The following RBPJ variants were observed in gnomAD, a reference collection of about 807,000 sequenced individuals.
The protein encoded by RBPJ is recombining binding protein suppressor of hairless.
In RBPJ, 9 loss-of-function variants were observed where a neutral mutation model predicts 67.8. The observed-to-expected ratio is 0.13, with a 90% CI of 0.08 to 0.23. RBPJ has a LOEUF of 0.23. Ranked by LOEUF, RBPJ falls within the 10% of genes least tolerant of loss-of-function variation. RBPJ has a pLI of 1.00. For missense variants in RBPJ, 305 were observed against 595.6 expected (o/e 0.51, Z 5.08); for synonymous variants, 198 against 203.3 (o/e 0.97, Z 0.22).
chr4:26,255,133 G>T (rs142259646), intron 1 of RBPJ, among the ~76,000 whole-genome samples: 1 of 146,100 alleles, frequency 6.8e-6, no homozygotes, highest in African/African-American at 2.6e-5. Flanking sequence ...GGCCGGGCGT[G>T]GTGGCTCACG....
chr4:26,210,771 C>CTTTT (rs1718387461), intron 1 of RBPJ, among the ~76,000 whole-genome samples: 2 of 68,572 alleles, frequency 2.9e-5, no homozygotes, highest in African/African-American at 1.1e-4. Flanking sequence ...TTCTTTCTTT[C>CTTTT]TTTCTTTCTT....
At chr4:26,389,857 T>C (rs980681489) in intron 2 of RBPJ, among the ~76,000 whole-genome samples, 5 of 152,132 alleles carry the variant, frequency 3.3e-5, no homozygotes, top group Admixed American at 1.3e-4. Context: ...TGAATTCTAC[T>C]GTATATTTAA....
At chr4:26,262,539 A>G (rs1165505982) in intron 1 of RBPJ, among the ~76,000 whole-genome samples, 1 of 152,132 alleles carries the variant, frequency 6.6e-6, no homozygotes, top group African/African-American at 2.4e-5. Context: ...CACCCTGACT[A>G]CTACTCCCAC....
chr4:26,351,241 G>A (rs1726767710), intron 1 of RBPJ, among the ~76,000 whole-genome samples: 1 of 152,122 alleles, frequency 6.6e-6, no homozygotes, highest in Admixed American at 6.5e-5. Context: ...TCTGACACTT[G>A]AGGAACATAG....
chr4:26,332,221 T>TAA (rs562758027), intron 1 of RBPJ, among the ~76,000 whole-genome samples: 15 of 146,598 alleles, frequency 1.0e-4, no homozygotes, highest in African/African-American at 3.7e-4. Context: ...ATTGTAATGT[T>TAA]AAAAAAAAAA....
chr4:26,298,702 C>T (rs944749370), intron 1 of RBPJ, among the ~76,000 whole-genome samples: 1 of 152,166 alleles, frequency 6.6e-6, no homozygotes, highest in Non-Finnish European at 1.5e-5. Flanking sequence ...TGTTCTTTAG[C>T]ACATTAGTTT....
chr4:26,354,457 T>G (rs1419906266), intron 1 of RBPJ, among the ~76,000 whole-genome samples: 2 of 150,010 alleles, frequency 1.3e-5, no homozygotes, highest in African/African-American at 4.9e-5. Context: ...TTCTGTTTTT[T>G]TTTTTTTTTT....
intron 1 of RBPJ, among the ~76,000 whole-genome samples, chr4:26,346,067 T>C (rs2109419810): frequency 1.3e-5 from 2 of 152,308 alleles, no homozygotes; most frequent in South Asian, 4.1e-4. Flanking sequence ...TGTATATTTA[T>C]GCTAGTGAAA....
chr4:26,343,722 G>A (rs1363616287), intron 1 of RBPJ, among the ~76,000 whole-genome samples: 2 of 63,352 alleles, frequency 3.2e-5, no homozygotes, highest in South Asian at 5.8e-4. Flanking sequence ...TAATTTTTTT[G>A]TACTTCTTTC....
the RBPJ span, among the ~76,000 whole-genome samples, chr4:26,134,446 C>T: frequency 6.6e-6 from 1 of 152,246 alleles, no homozygotes; most frequent in East Asian, 1.9e-4. Context: ...GTGCTCCAGT[C>T]TCACACCCAT....
chr4:26,214,372 GGA>G (rs1366240791), intron 1 of RBPJ, among the ~76,000 whole-genome samples: 2 of 124,638 alleles, frequency 1.6e-5, no homozygotes, highest in Non-Finnish European at 3.3e-5. Flanking sequence ...AAGGAAGGAA[GGA>G]GAGAGAAAGA....
chr4:26,189,410 C>G (rs989550071), intron 1 of RBPJ, among the ~76,000 whole-genome samples: 6 of 152,178 alleles, frequency 3.9e-5, no homozygotes, highest in Admixed American at 6.5e-5. Flanking sequence ...GTAATCCCAG[C>G]ACTTTGTGAG....
intron 1 of RBPJ, among the ~76,000 whole-genome samples, chr4:26,262,542 A>ACT (rs1720574035): frequency 6.6e-6 from 1 of 151,744 alleles, no homozygotes; most frequent in East Asian, 1.9e-4. Flanking sequence ...CCTGACTACT[A>ACT]CTCCCACATC....
chr4:26,137,696 CAT>C, the RBPJ span, among the ~76,000 whole-genome samples: 1 of 152,234 alleles, frequency 6.6e-6, no homozygotes, highest in Non-Finnish European at 1.5e-5. Context: ...CTTTGGAAAA[CAT>C]GTACCTCATT....
At chr4:26,214,365 G>A (rs1402360656) in intron 1 of RBPJ, among the ~76,000 whole-genome samples, 1 of 119,874 alleles carries the variant, frequency 8.3e-6, no homozygotes, top group African/African-American at 3.1e-5. Context: ...AAGGAGGAAG[G>A]AAGGAAGGAG....
At chr4:26,297,114 G>A (rs898969994) in intron 1 of RBPJ, among the ~76,000 whole-genome samples, 1 of 152,110 alleles carries the variant, frequency 6.6e-6, no homozygotes, top group Admixed American at 6.6e-5. Flanking sequence ...AGGCAACACA[G>A]CGAGCCCCGG....
At chr4:26,117,963 G>GTA in the RBPJ span, among the ~76,000 whole-genome samples, 58 of 150,872 alleles carry the variant, frequency 3.8e-4, no homozygotes, top group East Asian at 9.7e-4. Flanking sequence ...ACATATTTGT[G>GTA]TATATATATA....
At chr4:26,385,101 A>G (rs1013803029) in intron 1 of RBPJ, among the ~76,000 whole-genome samples, 3 of 147,444 alleles carry the variant, frequency 2.0e-5, no homozygotes, top group Non-Finnish European at 4.5e-5. Flanking sequence ...GCTCACTGCA[A>G]CCACTGCCTC....
chr4:26,268,005 T>C (rs1392249873), intron 1 of RBPJ, among the ~76,000 whole-genome samples: 1 of 152,202 alleles, frequency 6.6e-6, no homozygotes, highest in Non-Finnish European at 1.5e-5. Context: ...AGTATTACTA[T>C]AAAAATAAAA....
Sources: allele counts gnomAD v4.1 joint callset (sites outside exome capture counted in the v4.1 genomes callset), GRCh38; gene constraint gnomAD v4.1.1; transcripts MANE v1.5; gene names NCBI Gene and HGNC (gene_info 2026-07-23, HGNC 2026-07-21).